Variants in USP49 observed in about 807,000 individuals in gnomAD.
The protein encoded by USP49 is ubiquitin specific peptidase 49.
In USP49, 24 loss-of-function variants were observed where a neutral mutation model predicts 58.6. The ratio of observed to expected loss-of-function variants is 0.41; its 90% CI spans 0.30 to 0.58. USP49 has a LOEUF of 0.58. Among genes scored for constraint, USP49 ranks in the 20% least tolerant of loss-of-function variants. The probability of loss-of-function intolerance (pLI) is 0.30; values close to 1 mark genes in which losing one functional copy is unlikely to be tolerated. For synonymous variants in USP49, 408 were observed against 365.1 expected (o/e 1.12, Z -1.34); for missense variants, 703 against 866.1 (o/e 0.81, Z 2.36).
chr6:41,861,285 T>A (rs1272443356), intron 3 of USP49, among the ~76,000 whole-genome samples: 1 of 148,888 alleles, frequency 6.7e-6, no homozygotes, highest in African/African-American at 2.5e-5. Context: ...CTACTAAAAA[T>A]ACAAAAAATT....
chr6:41,809,888 A>T (rs1378502081), intron 3 of USP49, among the ~76,000 whole-genome samples: 1 of 150,238 alleles, frequency 6.7e-6, no homozygotes, highest in Non-Finnish European at 1.5e-5. Flanking sequence ...GCGGTGGCTC[A>T]CGCCTGTAAT....
chr6:41,839,319 T>C (rs1188524854), intron 3 of USP49, among the ~76,000 whole-genome samples: 2 of 138,610 alleles, frequency 1.4e-5, no homozygotes, highest in Admixed American at 8.5e-5. Flanking sequence ...GGTGGGAAGA[T>C]AGCTTGAGCC....
chr6:41,815,362 A>C (rs1196767300), intron 3 of USP49, among the ~76,000 whole-genome samples: 1 of 151,864 alleles, frequency 6.6e-6, no homozygotes. Context: ...CGGAGCTTCC[A>C]GTGAGCCAAG....
In USP49 at chr6:41,829,105, CA is replaced by C. The variant is rs201159880; in HGVS notation, c.-28-22095del. Among the ~76,000 whole-genome samples the C allele has an allele frequency of 5.5e-3, 835 of 152,166 alleles. 4 individuals are homozygous for C. The highest frequency in any genetic ancestry group is 0.01 in the Admixed American group (155 of 15,274). On this transcript the variant is annotated intron_variant, in intron 3 of 7. Transcript: ENST00000682992. Reference sequence around the variant, plus strand: ...TGAATAGAATCTTTAAAAAAGTATACATTTACTAAATGATTATTGCTGGTAG... The same window carrying C: ...TGAATAGAATCTTTAAAAAAGTATACTTTACTAAATGATTATTGCTGGTAG...
Position 41,806,433 on chromosome 6 carries a change from T to C in USP49, c.551A>G (p.Glu184Gly). Reference sequence around the variant, plus strand: ...CACCTCGCGCCGCCGCCTCCGCGCCTCCTCCTTCTTGCGCTCCAGGGCCTC... The same window carrying C: ...CACCTCGCGCCGCCGCCTCCGCGCCCCCTCCTTCTTGCGCTCCAGGGCCTC... ...QEEALERKKE[E>G]ARRRRREVKR... Residue 184 changes from glutamate (E) to glycine (G), a missense_variant, in exon 4 of 8, where the codon GAG becomes GGG. Physicochemically the swap from Glu to Gly is moderately conservative, Grantham distance 98. Around this residue, in one of 6 missense-constraint regions of USP49, gnomAD observed 376 missense variants for 373.5 expected, o/e 1.01. Coordinates refer to ENST00000682992, the MANE Select transcript of USP49 (RefSeq NM_001286554.2). This position sits in a 1 kb window ranked among gnomAD's most constrained non-coding sequence, Gnocchi z 5.9. 6.3e-7 allele frequency: 1 copy of C among 1,584,020 alleles called. No individual in the cohort carries two copies. Among genetic ancestry groups the C allele is most frequent in the South Asian group, 1.1e-5 (1 of 89,276 alleles).
intron 3 of USP49, among the ~76,000 whole-genome samples, chr6:41,837,080 A>T (rs1445218362): frequency 6.6e-6 from 1 of 152,198 alleles, no homozygotes. Flanking sequence ...ACTACCAATG[A>T]CATTCTTCTC....
chr6:41,867,505 A>G (rs1194767639), intron 3 of USP49, among the ~76,000 whole-genome samples: 1 of 149,112 alleles, frequency 6.7e-6, no homozygotes, highest in East Asian at 2.0e-4. Context: ...GCACTCTGGG[A>G]GGCTGAGGCA....
intron 6 of USP49, 110 bp downstream of exon 6, chr6:41,799,720 T>G: frequency 1.1e-6 from 1 of 927,300 alleles, no homozygotes; most frequent in Non-Finnish European, 1.7e-6. Context: ...AGGTCTCAAG[T>G]GAACAGGCTT....
intron 3 of USP49, among the ~76,000 whole-genome samples, chr6:41,867,633 T>C (rs1168710381): frequency 1.3e-5 from 2 of 149,084 alleles, no homozygotes; most frequent in Non-Finnish European, 3.0e-5. Flanking sequence ...GCGCCTGTAG[T>C]CCTAGCTACT....
rs1440892415 is a variant in USP49 at position 41,792,300 on chromosome 6, G to A, written c.*4233C>T. 4.6e-5 allele frequency: 7 copies of A among 152,158 alleles called. No homozygotes were observed. Among genetic ancestry groups the A allele is most frequent in the Non-Finnish European group, 8.8e-5 (6 of 68,036 alleles). 9.4% of individuals were successfully genotyped at this position (152,158 alleles called of 1,614,324 possible). On this transcript the variant is annotated 3_prime_UTR_variant, in exon 8 of 8. Coordinates refer to ENST00000682992, the MANE Select transcript of USP49 (RefSeq NM_001286554.2). ...ACAGGGGGTTTTCTATACTGCTTCC[G>A]GACATTTTTTGCAAAAGAACATCAG...
At chr6:41,796,980 C>CCCA (rs1772898269) in intron 7 of USP49, among the ~76,000 whole-genome samples, 1 of 136,370 alleles carries the variant, frequency 7.3e-6, no homozygotes, top group Non-Finnish European at 1.5e-5. Flanking sequence ...GACAGAGTCT[C>CCCA]GCTCTGTCAC....
intron 3 of USP49, among the ~76,000 whole-genome samples, chr6:41,816,309 GT>G (rs923635275): frequency 1.3e-5 from 2 of 152,156 alleles, no homozygotes; most frequent in African/African-American, 4.8e-5. Flanking sequence ...TGTAGAAACT[GT>G]TTTCTCAAAG....
At chr6:41,827,766 A>G (rs1209017949) in intron 3 of USP49, among the ~76,000 whole-genome samples, 2 of 151,960 alleles carry the variant, frequency 1.3e-5, no homozygotes, top group African/African-American at 4.8e-5. Context: ...TAAATCAGCT[A>G]TCATTTATTG....
intron 3 of USP49, among the ~76,000 whole-genome samples, chr6:41,857,838 A>T (rs1016414996): frequency 6.6e-6 from 1 of 152,234 alleles, no homozygotes; most frequent in Admixed American, 6.5e-5. Flanking sequence ...ATGCATACTT[A>T]CATAGTTCAT....
At chr6:41,840,397 A>C (rs950977852) in intron 3 of USP49, among the ~76,000 whole-genome samples, 3 of 151,802 alleles carry the variant, frequency 2.0e-5, no homozygotes, top group Admixed American at 1.3e-4. Context: ...AAAGAAAATT[A>C]AAAAAATAAG....
chr6:41,875,306 T>A (rs2254474), intron 2 of USP49, among the ~76,000 whole-genome samples: 7 of 151,872 alleles, frequency 4.6e-5, no homozygotes, highest in Admixed American at 6.6e-5. Flanking sequence ...AGTAAATAAC[T>A]TAACCAAGAT....
intron 3 of USP49, among the ~76,000 whole-genome samples, chr6:41,814,334 A>C (rs148176234): frequency 0.042 from 6,473 of 152,332 alleles, 236 homozygotes; most frequent in Admixed American, 0.11. Context: ...ATTTAAAAGC[A>C]TTCTATAAAT....
In USP49 at chr6:41,798,919, G is replaced by A. The variant is rs879204915; in HGVS notation, c.1681C>T (p.Arg561Cys). The A allele has an allele frequency of 1.9e-6, 3 of 1,611,998 alleles. No homozygotes were observed. The highest frequency in any genetic ancestry group is 2.5e-6 in the Non-Finnish European group (3 of 1,179,420). Residue 561 changes from arginine to cysteine, a missense_variant, in exon 7 of 8, where the codon CGT (arginine) becomes TGT (cysteine). Around this residue, in one of 6 missense-constraint regions of USP49, gnomAD observed 158 missense variants for 241.2 expected, o/e 0.66. Coordinates refer to ENST00000682992, the MANE Select transcript of USP49 (RefSeq NM_001286554.2). ...LHLKRFRWSG[R>C]NHREKIGVHV... ...ACCCCAATCTTCTCTCGATGATTACGGCCAGACCACCTAGAACATGGATAT... is the reference window on the plus strand; with the variant it reads ...ACCCCAATCTTCTCTCGATGATTACAGCCAGACCACCTAGAACATGGATAT...
chr6:41,834,141 G>A (rs1773685139), intron 3 of USP49, among the ~76,000 whole-genome samples: 1 of 152,148 alleles, frequency 6.6e-6, no homozygotes, highest in African/African-American at 2.4e-5. Flanking sequence ...TCTGCAGTAT[G>A]GGGCATTCTT....
Sources: allele counts gnomAD v4.1 joint callset (sites outside exome capture counted in the v4.1 genomes callset), GRCh38; gene constraint gnomAD v4.1.1; regional missense constraint gnomAD v4.1.1; non-coding constraint Gnocchi (gnomAD v3.1); transcripts MANE v1.5; gene names NCBI Gene and HGNC (gene_info 2026-07-23, HGNC 2026-07-21).